The following SOD2 variants were observed in gnomAD, a reference collection of about 807,000 sequenced individuals.
SOD2 encodes superoxide dismutase 2.
A neutral mutation model predicts 27.0 loss-of-function variants in SOD2; 11 were observed. The ratio of observed to expected loss-of-function variants is 0.41; its 90% CI spans 0.26 to 0.67. The LOEUF is 0.67. SOD2 is among the 30% of genes least tolerant of loss of function. SOD2 has a pLI of 0.34. For synonymous variants in SOD2, 105 were observed against 103.0 expected (o/e 1.02, Z -0.12); for missense variants, 250 against 274.5 (o/e 0.91, Z 0.63).
intron 1 of SOD2, among the ~76,000 whole-genome samples, chr6:159,710,743 T>TAACCGCCTCCAC: frequency 6.7e-6 from 1 of 148,814 alleles, no homozygotes; most frequent in South Asian, 2.1e-4. Flanking sequence ...CTGACCACCA[T>TAACCGCCTCCAC]AACCACCACT....
chr6:159,753,466 A>G (rs1476476699), intron 1 of SOD2: 1 of 1,614,212 alleles, frequency 6.2e-7, no homozygotes, highest in South Asian at 1.1e-5. Context: ...GCAGCCAAAC[A>G]GGGAAAAAGT....
chr6:159,685,615 G>T (rs1425404023), intron 3 of SOD2, among the ~76,000 whole-genome samples: 1 of 151,878 alleles, frequency 6.6e-6, no homozygotes, highest in South Asian at 2.1e-4. Flanking sequence ...TGAGGTCTGG[G>T]GTGCAATTGA....
chr6:159,729,245 TAC>T (rs200551163), upstream of SOD2, among the ~76,000 whole-genome samples: 789 of 152,328 alleles, frequency 5.2e-3, 5 homozygotes, highest in African/African-American at 0.018. Context: ...CTCAAAATTG[TAC>T]GTTAGTTAGT....
At chr6:159,689,672 T>C (rs1363392267) in intron 2 of SOD2, among the ~76,000 whole-genome samples, 4 of 152,182 alleles carry the variant, frequency 2.6e-5, no homozygotes, top group South Asian at 2.1e-4. Context: ...TAAGAACATA[T>C]GTCTGGGCCG....
At chr6:159,726,106 C>T (rs527821124) in intron 1 of SOD2, 12 of 152,360 alleles carry the variant, frequency 7.9e-5, no homozygotes, top group Middle Eastern at 6.8e-3. Flanking sequence ...AGAAGTATAA[C>T]TGCAAGGTAT....
chr6:159,692,897 C>T (rs778013190), intron 1 of SOD2, 34 bp from the exon 2 acceptor site: 1 of 1,531,720 alleles, frequency 6.5e-7, no homozygotes, highest in South Asian at 1.2e-5. Context: ...GGTCAGTCAG[C>T]GCCGCGGGAC....
chr6:159,697,080 C>CAA (rs34836690), upstream of SOD2, among the ~76,000 whole-genome samples: 1 of 149,476 alleles, frequency 6.7e-6, no homozygotes, highest in African/African-American at 2.5e-5. Context: ...CACACACACA[C>CAA]GCAGTCAGCT....
chr6:159,745,590 G>A (rs551325695), upstream of SOD2, among the ~76,000 whole-genome samples: 9 of 152,278 alleles, frequency 5.9e-5, no homozygotes, highest in South Asian at 1.9e-3. Context: ...GGCAGATGAG[G>A]ATAAAGTTTC....
chr6:159,685,294 G>A (rs1458326277), intron 3 of SOD2, among the ~76,000 whole-genome samples: 2 of 140,672 alleles, frequency 1.4e-5, no homozygotes, highest in African/African-American at 5.3e-5. Context: ...CCAGGCTGGA[G>A]TGCAATGCCA....
At chr6:159,742,212 T>C (rs1161266665) in intron 1 of SOD2, 3 of 1,350,962 alleles carry the variant, frequency 2.2e-6, no homozygotes, top group Non-Finnish European at 3.1e-6. Flanking sequence ...ATCAAAAGGA[T>C]AGTTGTTTTT....
intron 2 of SOD2, chr6:159,692,318 C>A (rs969357771): frequency 1.1e-6 from 1 of 952,068 alleles, no homozygotes; most frequent in Non-Finnish European, 1.4e-6. Context: ...TTTCAATTTG[C>A]AAAAAAAACG....
chr6:159,720,926 G>A (rs1562442610), intron 1 of SOD2, among the ~76,000 whole-genome samples: 1 of 127,020 alleles, frequency 7.9e-6, no homozygotes, highest in African/African-American at 2.9e-5. Flanking sequence ...GCGCGATCTC[G>A]GCTCAGTGCA....
chr6:159,755,281 G>A (rs149312050), intron 1 of SOD2: 6 of 1,614,084 alleles, frequency 3.7e-6, no homozygotes, highest in South Asian at 1.1e-5. Context: ...GCCAGAGGAC[G>A]TCTGGGTCTG....
intron 1 of SOD2, among the ~76,000 whole-genome samples, chr6:159,704,548 C>A (rs1468138121): frequency 6.6e-6 from 1 of 152,192 alleles, no homozygotes; most frequent in Non-Finnish European, 1.5e-5. Flanking sequence ...AGCCTGAGAT[C>A]GAACTCCAAG....
chr6:159,735,890 C>G (rs537577506), intron 1 of SOD2, among the ~76,000 whole-genome samples: 1 of 152,076 alleles, frequency 6.6e-6, no homozygotes, highest in Non-Finnish European at 1.5e-5. Context: ...CTTTTATAGT[C>G]CCTTAGCAAC....
chr6:159,712,206 CCA>C, intron 1 of SOD2, among the ~76,000 whole-genome samples: 1 of 126,676 alleles, frequency 7.9e-6, no homozygotes, highest in Non-Finnish European at 1.8e-5. Flanking sequence ...GCTCTGATCA[CCA>C]TAACCACCTC....
intron 2 of SOD2, among the ~76,000 whole-genome samples, chr6:159,689,032 GC>G (rs1025116063): frequency 6.6e-5 from 10 of 152,164 alleles, no homozygotes; most frequent in Non-Finnish European, 1.5e-4. Context: ...GGTGGGCCTT[GC>G]CCCCTCCAAA....
At chr6:159,712,866 A>G (rs1468932686) in intron 1 of SOD2, 3 of 633,156 alleles carry the variant, frequency 4.7e-6, no homozygotes, top group Non-Finnish European at 9.1e-6. Flanking sequence ...AGATTCAAGA[A>G]AAGTTCTACA....
chr6:159,707,816 A>G (rs1477082624), intron 1 of SOD2, among the ~76,000 whole-genome samples: 1 of 152,202 alleles, frequency 6.6e-6, no homozygotes, highest in Non-Finnish European at 1.5e-5. Context: ...CACAACAAAA[A>G]AAAGAGAATT....
Sources: gnomAD v4.1 joint callset for allele counts (sites outside exome capture counted in the v4.1 genomes callset) on GRCh38, gnomAD v4.1.1 for gene constraint, MANE v1.5 for transcripts, NCBI Gene and HGNC (gene_info 2026-07-23, HGNC 2026-07-21) for gene names.